FDFT1: variants seen among roughly 807,000 people sequenced by gnomAD.
FDFT1 encodes farnesyl-diphosphate farnesyltransferase 1, also known as squalene synthase.
A neutral mutation model predicts 46.8 loss-of-function variants in FDFT1; 68 were observed. The observed-to-expected ratio is 1.45, with a 90% confidence interval of 1.19 to 1.78. FDFT1 has a LOEUF of 1.78. FDFT1 is among the 40% of genes most tolerant of loss of function. FDFT1 has a pLI of 0.00. For missense variants in FDFT1, 928 were observed against 524.4 expected (o/e 1.77, Z -7.52); for synonymous variants, 351 against 185.1 (o/e 1.90, Z -7.28).
chr8:11,806,508 C>T (rs971926518), intron 1 of FDFT1, among the ~76,000 whole-genome samples: 1 of 152,038 alleles, frequency 6.6e-6, no homozygotes, highest in Non-Finnish European at 1.5e-5. Flanking sequence ...GGCTTGCTCT[C>T]TTTCAGAATG....
chr8:11,821,766 G>C lies in FDFT1; in HGVS notation c.398G>C (p.Arg133Thr), dbSNP rs1448036251. The change falls in exon 4 of 8, where the codon AGA (arginine) becomes ACA (threonine). Residue 133 changes from arginine to threonine, a missense_variant. Physicochemically the swap from Arg to Thr is moderately conservative, Grantham distance 71. Coordinates refer to ENST00000220584, the MANE Select transcript of FDFT1 (RefSeq NM_004462.5). ...EDFPTISLEFRNLAEKYQTVI... is the reference protein window; with the variant it reads ...EDFPTISLEFTNLAEKYQTVI... ...CCATTTCAGATCTCCCTTGAGTTTAGAAATCTGGCTGAGAAATACCAAACA... is the reference window on the plus strand; with the variant it reads ...CCATTTCAGATCTCCCTTGAGTTTACAAATCTGGCTGAGAAATACCAAACA... 1 of 1,613,208 alleles carries C rather than the reference G, an allele frequency of 6.2e-7. No homozygotes were observed. Among genetic ancestry groups the C allele is most frequent in the Non-Finnish European group, 8.5e-7 (1 of 1,179,500 alleles).
At chr8:11,823,372 A>G (rs1046899911) in intron 4 of FDFT1, among the ~76,000 whole-genome samples, 7 of 152,188 alleles carry the variant, frequency 4.6e-5, no homozygotes, top group Non-Finnish European at 1.0e-4. Flanking sequence ...AGTACTATAG[A>G]TATACTAATT....
At chr8:11,823,414 A>T (rs1481377689) in intron 4 of FDFT1, among the ~76,000 whole-genome samples, 1 of 152,082 alleles carries the variant, frequency 6.6e-6, no homozygotes, top group East Asian at 1.9e-4. Flanking sequence ...TCTTTTGAAG[A>T]TTTTGTATAG....
intron 3 of FDFT1, among the ~76,000 whole-genome samples, chr8:11,817,966 T>C (rs1808692775): frequency 6.6e-6 from 1 of 152,228 alleles, no homozygotes; most frequent in Non-Finnish European, 1.5e-5. Context: ...GTGTTGTTTT[T>C]AGATCTTTCC....
intron 5 of FDFT1, among the ~76,000 whole-genome samples, chr8:11,829,747 G>T (rs1452768670): frequency 1.3e-5 from 2 of 152,126 alleles, no homozygotes; most frequent in Admixed American, 1.3e-4. Flanking sequence ...CTGGTAGTCA[G>T]AAATAGCTAT....
chr8:11,797,677 A>C (rs530852695), upstream of FDFT1, among the ~76,000 whole-genome samples: 2 of 151,850 alleles, frequency 1.3e-5, no homozygotes, highest in Non-Finnish European at 2.9e-5. Flanking sequence ...AACAAAAAAA[A>C]CGGTGGGGGA....
At chr8:11,799,309 G>T (rs1467277537), upstream of FDFT1, among the ~76,000 whole-genome samples, 1 of 152,196 alleles carries the variant, frequency 6.6e-6, no homozygotes. Context: ...TGGAACAGGG[G>T]TTCAATTAGT....
intron 5 of FDFT1, among the ~76,000 whole-genome samples, chr8:11,827,970 G>A (rs1046117043): frequency 6.6e-6 from 1 of 152,138 alleles, no homozygotes; most frequent in African/African-American, 2.4e-5. Context: ...GGGAAGCCCA[G>A]GTGAGTGGAT....
intron 3 of FDFT1, among the ~76,000 whole-genome samples, chr8:11,813,320 T>C (rs898918677): frequency 2.0e-5 from 3 of 152,220 alleles, no homozygotes; most frequent in African/African-American, 7.2e-5. Flanking sequence ...TATTTTTAAA[T>C]GATAATAGCA....
rs749335113 is a variant in FDFT1 at position 11,831,470 on chromosome 8, C to T, written c.880-48C>T. On this transcript the variant is annotated intron_variant, in intron 6 of 7. Transcript: ENST00000220584. ...TCTTACCTTTTTGTGATAATGATAG[C>T]TAACGACATCATTTCTTCTTTTTTC... The T allele has an allele frequency of 3.8e-6, 6 of 1,565,460 alleles. No homozygotes were observed. The East Asian group carries it at 1.1e-4, about 30-fold the overall frequency.
At chr8:11,805,681 C>G (rs576974129) in intron 1 of FDFT1, among the ~76,000 whole-genome samples, 1 of 152,326 alleles carries the variant, frequency 6.6e-6, no homozygotes, top group East Asian at 1.9e-4. Flanking sequence ...CTCAGAATCA[C>G]TTGGCAGCAA....
At chr8:11,812,563 C>G (rs1180385963) in intron 3 of FDFT1, among the ~76,000 whole-genome samples, 1 of 152,210 alleles carries the variant, frequency 6.6e-6, no homozygotes, top group African/African-American at 2.4e-5. Flanking sequence ...ATTCTAAATT[C>G]AAACCTGAAT....
upstream of FDFT1, among the ~76,000 whole-genome samples, chr8:11,798,992 A>C (rs1439717098): frequency 6.6e-6 from 1 of 152,234 alleles, no homozygotes; most frequent in Admixed American, 6.5e-5. Flanking sequence ...CTTTATGCTG[A>C]CTGGGTTGGC....
chr8:11,810,072 C>G (rs906047295), intron 3 of FDFT1: 11 of 502,766 alleles, frequency 2.2e-5, no homozygotes, highest in African/African-American at 1.7e-4. Context: ...TACAAAGACT[C>G]TCTGTGCCTC....
At chr8:11,825,539 CAAAA>C (rs35076894) in intron 4 of FDFT1, among the ~76,000 whole-genome samples, 6 of 94,788 alleles carry the variant, frequency 6.3e-5, no homozygotes, top group Admixed American at 1.1e-4. Flanking sequence ...GACTTGATCT[CAAAA>C]AAAAAAAAAA....
chr8:11,832,136 A>G (rs979877237), intron 7 of FDFT1, among the ~76,000 whole-genome samples: 6 of 152,236 alleles, frequency 3.9e-5, no homozygotes, highest in Non-Finnish European at 8.8e-5. Context: ...GGCCAAGGAA[A>G]GCCATCAAGT....
rs1039736661 is a variant in FDFT1, at chr8:11,830,172, C to G, written c.703-72C>G. 2.5e-6 allele frequency: 3 copies of G among 1,221,484 alleles called. No individual in the cohort carries two copies. In the African/African-American group the frequency reaches 4.5e-5, roughly 18 times the overall value. 75.7% of individuals were successfully genotyped at this position (1,221,484 alleles called of 1,614,324 possible). A position where few individuals can be genotyped will look rare whatever the true frequency, so the allele number is the denominator to read the frequency against. On this transcript the variant is annotated intron_variant, in intron 5 of 7. Transcript: ENST00000220584. ...GTATCATAGTTCTTATGCACAAAGA[C>G]CCTTTAATATTGTTTGTAAATTCTC... is the stretch of plus-strand genomic sequence containing the variant.
intron 4 of FDFT1, among the ~76,000 whole-genome samples, chr8:11,824,050 A>G: frequency 6.6e-6 from 1 of 151,958 alleles, no homozygotes; most frequent in Admixed American, 6.6e-5. Flanking sequence ...TTTTACAGAG[A>G]TGAGGTCTTG....
Position 11,838,712 on chromosome 8 carries a change from C to A in FDFT1, c.*103C>A, listed in dbSNP as rs991184475. ...TTTATTTTTTTCCTACTACTTTAAT[C>A]CCTAAAAGAACGCTGTGTGGCTGGG... On this transcript the variant is annotated 3_prime_UTR_variant, in exon 8 of 8. Coordinates refer to ENST00000220584, the MANE Select transcript of FDFT1 (RefSeq NM_004462.5). The A allele has an allele frequency of 9.8e-6, 9 of 919,460 alleles. No homozygotes were observed. The highest frequency in any genetic ancestry group is 2.0e-5 in the Admixed American group (1 of 50,392). The allele number at this position is 919,460 out of a possible 1,614,324, so 57.0% of individuals were successfully genotyped here. A position where few individuals can be genotyped will look rare whatever the true frequency, so the allele number is the denominator to read the frequency against.
Sources: gnomAD v4.1 joint callset for allele counts (sites outside exome capture counted in the v4.1 genomes callset) on GRCh38, gnomAD v4.1.1 for gene constraint, MANE v1.5 for transcripts, NCBI Gene and HGNC (gene_info 2026-07-23, HGNC 2026-07-21) for gene names.